The following SLC22A24 variants were observed in gnomAD, a reference collection of about 807,000 sequenced individuals.
SLC22A24 encodes the protein solute carrier family 22 member 24.
In SLC22A24, 53 loss-of-function variants were observed where a neutral mutation model predicts 49.8. The ratio of observed to expected loss-of-function variants is 1.06; its 90% CI spans 0.85 to 1.34. The LOEUF is 1.34. Among genes scored for constraint, SLC22A24 ranks in the 40% most tolerant of loss-of-function variants. The probability of loss-of-function intolerance (pLI) is 0.00; values close to 1 mark genes in which losing one functional copy is unlikely to be tolerated. For missense variants in SLC22A24, 786 were observed against 675.9 expected, an observed-to-expected ratio of 1.16 and a Z score of -1.81; for synonymous variants, 302 against 256.4, an observed-to-expected ratio of 1.18 and a Z score of -1.70.
chr11:63,097,550 A>G (rs2087063175), intron 5 of SLC22A24, among the ~76,000 whole-genome samples: 1 of 152,168 alleles, frequency 6.6e-6, no homozygotes, highest in Admixed American at 6.5e-5. Flanking sequence ...ATACCATTTG[A>G]CCCTGCAATC....
At chr11:63,130,639 C>T (rs545511126) in intron 2 of SLC22A24, among the ~76,000 whole-genome samples, 1 of 152,242 alleles carries the variant, frequency 6.6e-6, no homozygotes, top group African/African-American at 2.4e-5. Context: ...TTAATTATTG[C>T]CTCAATTTCA....
intron 9 of SLC22A24, 75 bp downstream of exon 9, chr11:63,080,845 C>A: frequency 2.3e-6 from 3 of 1,312,532 alleles, no homozygotes; most frequent in Non-Finnish European, 3.2e-6. Flanking sequence ...CCCAAATGGT[C>A]GTTGACCTTT....
At chr11:63,101,626 A>G (rs1436277859) in intron 5 of SLC22A24, among the ~76,000 whole-genome samples, 1 of 152,122 alleles carries the variant, frequency 6.6e-6, no homozygotes, top group Admixed American at 6.6e-5. Flanking sequence ...ATATTTGAAG[A>G]GATATCTGCA....
chr11:63,134,272 A>G (rs1366523013), intron 2 of SLC22A24, among the ~76,000 whole-genome samples: 2 of 152,114 alleles, frequency 1.3e-5, no homozygotes, highest in African/African-American at 4.8e-5. Flanking sequence ...TGTCAAGGCC[A>G]ATAACGCTGT....
intron 2 of SLC22A24, among the ~76,000 whole-genome samples, chr11:63,129,284 A>T (rs943187166): frequency 6.6e-6 from 1 of 152,144 alleles, no homozygotes; most frequent in Non-Finnish European, 1.5e-5. Context: ...TCAGATGGTC[A>T]TAGACGTGTG....
intron 6 of SLC22A24, 88 bp downstream of exon 6, chr11:63,095,903 C>T: frequency 1.0e-6 from 1 of 968,464 alleles, no homozygotes; most frequent in East Asian, 2.6e-5. Flanking sequence ...ATTAAATGTC[C>T]TCCAAATGCT....
intron 2 of SLC22A24, among the ~76,000 whole-genome samples, chr11:63,125,216 G>A (rs976318636): frequency 3.3e-5 from 5 of 151,978 alleles, no homozygotes; most frequent in African/African-American, 1.2e-4. Context: ...GTGCAGTTTT[G>A]TTACATAGGT....
In SLC22A24 at chr11:63,096,090, A is replaced by G. The variant is rs1410228034; in HGVS notation, c.971T>C (p.Met324Thr). The change falls in exon 6 of 10, where the codon ATG (methionine) becomes ACG (threonine). Residue 324 changes from methionine to threonine, a missense_variant. By Grantham distance (81) the Met-to-Thr change is moderately conservative. Coordinates refer to ENST00000612278, the MANE Select transcript of SLC22A24 (RefSeq NM_001136506.2). ...TCGGACTGCATCCAACTCCTTCTTC[A>G]TGGTGGATCTCACAAGCTTCAGCAA... is the stretch of plus-strand genomic sequence containing the variant. ...TLTTELVRST[M>T]KKELDAVRIK... The G allele has an allele frequency of 3.2e-6, 5 of 1,549,880 alleles. No homozygotes were observed. The highest frequency in any genetic ancestry group is 3.5e-6 in the Non-Finnish European group (4 of 1,145,632).
At chr11:63,091,604 T>C (rs2134640798) in intron 6 of SLC22A24, among the ~76,000 whole-genome samples, 1 of 152,278 alleles carries the variant, frequency 6.6e-6, no homozygotes. Flanking sequence ...TAGTTCAATA[T>C]ACACAAAACA....
chr11:63,109,568 G>A (rs1279803925), intron 4 of SLC22A24, among the ~76,000 whole-genome samples: 1 of 147,956 alleles, frequency 6.8e-6, no homozygotes, highest in Non-Finnish European at 1.5e-5. Context: ...ATCTCATTGT[G>A]GTTTTGATTT....
intron 4 of SLC22A24, chr11:63,118,594 C>A: frequency 1.9e-6 from 1 of 528,506 alleles, no homozygotes; most frequent in Non-Finnish European, 3.3e-6. Context: ...CAAAAGCCCC[C>A]AAATTATCTC....
chr11:63,100,092 A>G (rs2087081636), intron 5 of SLC22A24, among the ~76,000 whole-genome samples: 1 of 152,288 alleles, frequency 6.6e-6, no homozygotes, highest in South Asian at 2.1e-4. Context: ...CAGACAAGAG[A>G]CAGATATAAA....
At chr11:63,100,718 G>A (rs2087085221) in intron 5 of SLC22A24, among the ~76,000 whole-genome samples, 1 of 152,016 alleles carries the variant, frequency 6.6e-6, no homozygotes, top group Non-Finnish European at 1.5e-5. Context: ...CAGACCAATG[G>A]AACAGAGTAG....
At chr11:63,088,452 A>G (rs1357937268) in intron 6 of SLC22A24, among the ~76,000 whole-genome samples, 10 of 152,008 alleles carry the variant, frequency 6.6e-5, no homozygotes, top group Non-Finnish European at 1.3e-4. Context: ...AATCAAAGGT[A>G]GATAAATCCA....
chr11:63,116,509 TC>T (rs1398598060), intron 4 of SLC22A24, among the ~76,000 whole-genome samples: 1 of 152,200 alleles, frequency 6.6e-6, no homozygotes, highest in Non-Finnish European at 1.5e-5. Context: ...AGTTAGCTTT[TC>T]TTTTGATGGT....
chr11:63,095,067 C>T (rs549479129), intron 6 of SLC22A24, among the ~76,000 whole-genome samples: 1 of 152,242 alleles, frequency 6.6e-6, no homozygotes, highest in East Asian at 1.9e-4. Context: ...ATGCGTATGT[C>T]CTGAATGGTA....
rs915938522 is a variant in SLC22A24, at chr11:63,121,345, G to A, written c.507-2010C>T. On this transcript the variant is annotated intron_variant, in intron 2 of 9. Transcript: ENST00000612278. ...TTCTCATAGTAAAGAAACACATATC[G>A]AGATGTTAATATTAGAAATAGATGT... 2.0e-5 allele frequency among the ~76,000 whole-genome samples: 3 copies of A among 152,098 alleles called. No individual in the cohort carries two copies. In the East Asian group the frequency reaches 5.8e-4, roughly 29 times the overall value.
At chr11:63,100,338 C>A (rs142556937) in intron 5 of SLC22A24, among the ~76,000 whole-genome samples, 2 of 151,500 alleles carry the variant, frequency 1.3e-5, no homozygotes, top group Non-Finnish European at 2.9e-5. Context: ...AAATAAAATA[C>A]CTAGGAATAA....
At chr11:63,138,244 G>T (rs1028107043) in intron 1 of SLC22A24, among the ~76,000 whole-genome samples, 1 of 152,108 alleles carries the variant, frequency 6.6e-6, no homozygotes, top group East Asian at 1.9e-4. Flanking sequence ...ACCATGCAGG[G>T]ATTCTTTCTT....
Sources: gnomAD v4.1 joint callset for allele counts (sites outside exome capture counted in the v4.1 genomes callset) on GRCh38, gnomAD v4.1.1 for gene constraint, MANE v1.5 for transcripts, NCBI Gene and HGNC (gene_info 2026-07-23, HGNC 2026-07-21) for gene names.